THSD7B: variants seen among roughly 807,000 people sequenced by gnomAD.
THSD7B encodes thrombospondin type-1 domain-containing protein 7B.
Under a neutral mutation model 213.6 loss-of-function variants are expected in THSD7B, and 138 were observed. The ratio of observed to expected loss-of-function variants is 0.65; its 90% CI spans 0.56 to 0.74. The LOEUF (loss-of-function observed/expected upper bound fraction) is 0.74, where lower values mean the gene tolerates loss of function less well. Among genes scored for constraint, THSD7B ranks in the 30% least tolerant of loss-of-function variants. The probability of loss-of-function intolerance (pLI) is 0.00; values close to 1 mark genes in which losing one functional copy is unlikely to be tolerated. For missense variants in THSD7B, 1,931 were observed against 1,991.5 expected, an observed-to-expected ratio of 0.97 and a Z score of 0.58; for synonymous variants, 742 against 687.0, an observed-to-expected ratio of 1.08 and a Z score of -1.25.
intron 3 of THSD7B, among the ~76,000 whole-genome samples, chr2:137,092,141 G>C (rs1402080438): frequency 1.3e-5 from 2 of 152,032 alleles, no homozygotes; most frequent in African/African-American, 4.8e-5. Flanking sequence ...ATTGAGGCTG[G>C]GCTCGATCCT....
At chr2:136,780,504 C>T (rs930409396) in intron 1 of THSD7B, among the ~76,000 whole-genome samples, 4 of 152,120 alleles carry the variant, frequency 2.6e-5, no homozygotes, top group Non-Finnish European at 5.9e-5. Context: ...CTATCTCTGT[C>T]CTCCCATCTC....
chr2:137,203,080 C>G (rs1230992370), intron 7 of THSD7B, among the ~76,000 whole-genome samples: 1 of 151,714 alleles, frequency 6.6e-6, no homozygotes, highest in Non-Finnish European at 1.5e-5. Context: ...TTTAGTTGTT[C>G]TCGGTGTGAT....
chr2:137,164,667 G>T (rs34395592), intron 6 of THSD7B, among the ~76,000 whole-genome samples: 8,354 of 152,138 alleles, frequency 0.055, 244 homozygotes, highest in Admixed American at 0.073. Flanking sequence ...TAAGAAAATG[G>T]GGCACATATA....
chr2:137,078,176 T>C (rs1378407024), intron 3 of THSD7B, among the ~76,000 whole-genome samples: 2 of 152,220 alleles, frequency 1.3e-5, no homozygotes, highest in East Asian at 3.8e-4. Context: ...TTCTGTTCCA[T>C]TGATCTATAT....
intron 21 of THSD7B, among the ~76,000 whole-genome samples, chr2:137,649,505 G>C (rs1683100002): frequency 6.6e-6 from 1 of 152,136 alleles, no homozygotes; most frequent in Non-Finnish European, 1.5e-5. Flanking sequence ...TGCTTATCCA[G>C]TTTTCCCGGT....
chr2:136,965,179 C>T (rs1302666332), intron 2 of THSD7B, among the ~76,000 whole-genome samples: 1 of 152,132 alleles, frequency 6.6e-6, no homozygotes, highest in African/African-American at 2.4e-5. Flanking sequence ...ATATTATCTG[C>T]CTCTCATGTA....
chr2:137,071,077 C>T (rs188486051), intron 3 of THSD7B, among the ~76,000 whole-genome samples: 212 of 152,264 alleles, frequency 1.4e-3, no homozygotes, highest in African/African-American at 5.0e-3. Context: ...GGTATATACC[C>T]AGTAATGGAA....
At chr2:136,967,199 A>C (rs935811019) in intron 2 of THSD7B, among the ~76,000 whole-genome samples, 2 of 151,882 alleles carry the variant, frequency 1.3e-5, no homozygotes, top group Non-Finnish European at 2.9e-5. Context: ...GGACTGTTTC[A>C]AGTAGTCCTT....
At chr2:136,932,969 T>A (rs1684655939) in intron 2 of THSD7B, among the ~76,000 whole-genome samples, 1 of 152,156 alleles carries the variant, frequency 6.6e-6, no homozygotes, top group Non-Finnish European at 1.5e-5. Flanking sequence ...TTGGTGCAGA[T>A]AAAGCATGGG....
At chr2:137,053,425 A>C (rs568214373) in intron 2 of THSD7B, among the ~76,000 whole-genome samples, 7 of 152,182 alleles carry the variant, frequency 4.6e-5, no homozygotes, top group African/African-American at 7.2e-5. Flanking sequence ...ATTTGATCTT[A>C]GCCAAAAGGC....
intron 12 of THSD7B, among the ~76,000 whole-genome samples, chr2:137,309,417 T>C (rs578032620): frequency 6.6e-6 from 1 of 151,894 alleles, no homozygotes; most frequent in East Asian, 1.9e-4. Flanking sequence ...CCCAGTTTGA[T>C]ATTTATTTTT....
chr2:137,655,403 T>C, intron 21 of THSD7B, 98 bp from the exon 22 acceptor site: 2 of 1,319,598 alleles, frequency 1.5e-6, no homozygotes, highest in Non-Finnish European at 2.0e-6. Context: ...GCTACGAAAA[T>C]ATGCAACTAT....
intron 3 of THSD7B, among the ~76,000 whole-genome samples, chr2:137,086,212 C>A (rs1461617716): frequency 6.6e-6 from 1 of 152,038 alleles, no homozygotes; most frequent in African/African-American, 2.4e-5. Context: ...TGGTGCACGC[C>A]TGTAATCCCA....
chr2:137,672,919 A>G (rs1683609756), intron 27 of THSD7B, among the ~76,000 whole-genome samples: 1 of 152,178 alleles, frequency 6.6e-6, no homozygotes, highest in Non-Finnish European at 1.5e-5. Flanking sequence ...TTTAATGGGG[A>G]TGACCACTGG....
intron 2 of THSD7B, among the ~76,000 whole-genome samples, chr2:136,939,859 C>T (rs1424215083): frequency 6.6e-6 from 1 of 152,068 alleles, no homozygotes; most frequent in Non-Finnish European, 1.5e-5. Flanking sequence ...CATCCTCAAC[C>T]TCCCTACCAC....
At position 137,584,654 on chromosome 2, in the gene THSD7B, G is replaced by T. The variant is rs547681766; in HGVS notation, c.3423+12098G>T. ...GGATTATGTTTATTGATTTGTGTAT[G>T]TTGAACCAGCCTTGCATCCTAGAGA... On this transcript the variant is annotated intron_variant, in intron 17 of 27. Coordinates refer to ENST00000409968, the MANE Select transcript of THSD7B (RefSeq NM_001316349.2). Among the ~76,000 whole-genome samples, 3 of 152,246 alleles carry T rather than the reference G, an allele frequency of 2.0e-5. No individual in the cohort carries two copies. The East Asian group carries it at 5.8e-4, about 29-fold the overall frequency.
chr2:137,225,557 A>G (rs12691911), intron 7 of THSD7B, among the ~76,000 whole-genome samples: 62,010 of 152,080 alleles, frequency 0.41, 12,775 homozygotes, highest in Middle Eastern at 0.49. Flanking sequence ...TGTGTAAGGA[A>G]AAAACTTTGA....
At chr2:137,073,437 G>T (rs995520526) in intron 3 of THSD7B, among the ~76,000 whole-genome samples, 2 of 151,960 alleles carry the variant, frequency 1.3e-5, no homozygotes, top group East Asian at 3.9e-4. Flanking sequence ...ATTTCTGTGG[G>T]ATCAGTGGTG....
chr2:136,950,934 T>G (rs1226372850), intron 2 of THSD7B, among the ~76,000 whole-genome samples: 1 of 152,184 alleles, frequency 6.6e-6, no homozygotes, highest in East Asian at 1.9e-4. Context: ...AGGCAGGTGG[T>G]GGGGAGAGAT....
Sources: allele counts gnomAD v4.1 joint callset (sites outside exome capture counted in the v4.1 genomes callset), GRCh38; gene constraint gnomAD v4.1.1; transcripts MANE v1.5; gene names NCBI Gene and HGNC (gene_info 2026-07-23, HGNC 2026-07-21).